Variants in SAMD12 observed in about 807,000 individuals in gnomAD.
The protein encoded by SAMD12 is sterile alpha motif domain-containing protein 12.
In SAMD12, 9 loss-of-function variants were observed where a neutral mutation model predicts 15.0. The observed-to-expected ratio is 0.60, with a 90% CI of 0.36 to 1.05. The LOEUF (loss-of-function observed/expected upper bound fraction) is 1.05. SAMD12 is among the 50% of genes least tolerant of loss of function. The probability of loss-of-function intolerance (pLI) is 0.01; values close to 1 mark genes in which losing one functional copy is unlikely to be tolerated. For missense variants in SAMD12, 230 were observed against 234.2 expected (o/e 0.98, Z 0.12); for synonymous variants, 86 against 90.1 (o/e 0.96, Z 0.25).
the SAMD12 span, among the ~76,000 whole-genome samples, chr8:118,134,493 T>C: frequency 6.6e-6 from 1 of 152,220 alleles, no homozygotes; most frequent in African/African-American, 2.4e-5. Context: ...GTTTTCAATG[T>C]GTCGTTCCTA....
intron 3 of SAMD12, among the ~76,000 whole-genome samples, chr8:118,435,255 C>T (rs764026401): frequency 3.3e-5 from 5 of 152,100 alleles, no homozygotes; most frequent in African/African-American, 7.2e-5. Flanking sequence ...TATGATATTT[C>T]AAGAGACAGA....
chr8:118,482,661 T>C (rs2130993471), intron 2 of SAMD12, among the ~76,000 whole-genome samples: 1 of 152,306 alleles, frequency 6.6e-6, no homozygotes, highest in East Asian at 1.9e-4. Flanking sequence ...TATGAGGAAC[T>C]TGGGCATCCA....
At chr8:118,404,818 G>C (rs7818311) in intron 3 of SAMD12, among the ~76,000 whole-genome samples, 74,289 of 151,766 alleles carry the variant, frequency 0.49, 19,269 homozygotes, top group African/African-American at 0.66. Flanking sequence ...CTTGTAATAC[G>C]CTTTTCATGT....
intron 4 of SAMD12, among the ~76,000 whole-genome samples, chr8:118,370,225 C>A (rs1819012816): frequency 6.6e-6 from 1 of 151,940 alleles, no homozygotes; most frequent in South Asian, 2.1e-4. Context: ...AAATAAAAAC[C>A]ACAGTGAGAT....
At chr8:118,607,237 T>C (rs1308932305) in intron 1 of SAMD12, among the ~76,000 whole-genome samples, 1 of 142,802 alleles carries the variant, frequency 7.0e-6, no homozygotes, top group Non-Finnish European at 1.6e-5. Flanking sequence ...TCCCCAAATG[T>C]CCTTTTTTTT....
chr8:118,223,667 T>G lies in SAMD12; in HGVS notation c.434-25935A>C, dbSNP rs192962059. 4.4e-4 allele frequency among the ~76,000 whole-genome samples: 67 copies of G among 152,258 alleles called. 1 individual carries two copies. The highest frequency in any genetic ancestry group is 1.5e-3 in the African/African-American group (61 of 41,560). On this transcript the variant is annotated intron_variant, in intron 4 of 4. Transcript: ENST00000409003. Reference sequence around the variant, plus strand: ...GGAAAAGTTGAGTTTCTGAGAACAATCAATAGGGCTATATCTTTTGCCCAT... The same window carrying G: ...GGAAAAGTTGAGTTTCTGAGAACAAGCAATAGGGCTATATCTTTTGCCCAT...
At chr8:118,502,513 CAG>C (rs1824813357) in intron 2 of SAMD12, among the ~76,000 whole-genome samples, 1 of 152,112 alleles carries the variant, frequency 6.6e-6, no homozygotes, top group African/African-American at 2.4e-5. Flanking sequence ...ATAGAAATGA[CAG>C]GAAAATCTTT....
intron 2 of SAMD12, among the ~76,000 whole-genome samples, chr8:118,500,116 T>A (rs948641907): frequency 5.1e-5 from 7 of 137,396 alleles, no homozygotes; most frequent in Admixed American, 2.4e-4. Context: ...TTCACTCTTG[T>A]TGCCCAGGCT....
intron 2 of SAMD12, among the ~76,000 whole-genome samples, chr8:118,476,063 T>G (rs1823950723): frequency 6.6e-6 from 1 of 152,216 alleles, no homozygotes; most frequent in Non-Finnish European, 1.5e-5. Flanking sequence ...ACCATGGGTT[T>G]GCAAAGGCTG....
intron 4 of SAMD12, among the ~76,000 whole-genome samples, chr8:118,279,300 A>C (rs1813551710): frequency 6.6e-6 from 1 of 152,212 alleles, no homozygotes; most frequent in Admixed American, 6.5e-5. Context: ...TGCTACTTTA[A>C]AAACTTTCTA....
intron 4 of SAMD12, among the ~76,000 whole-genome samples, chr8:118,290,372 CTG>C (rs1463926090): frequency 6.6e-6 from 1 of 152,184 alleles, no homozygotes; most frequent in Non-Finnish European, 1.5e-5. Context: ...CTAGCCTTGA[CTG>C]TGCCTTAAAC....
rs541469056 is a variant in SAMD12 at position 118,310,712 on chromosome 8, G to C, written c.433+68848C>G. On this transcript the variant is annotated intron_variant, in intron 4 of 4. Transcript: ENST00000409003. Reference sequence around the variant, plus strand: ...CTCACAATGTCAGACGGGTGGTCTTGTTCAGAAGTCATTTCTAGAATGCCA... The same window carrying C: ...CTCACAATGTCAGACGGGTGGTCTTCTTCAGAAGTCATTTCTAGAATGCCA... Among the ~76,000 whole-genome samples, 2 of 152,146 alleles carry C rather than the reference G, an allele frequency of 1.3e-5. 1 individual carries two copies. The highest frequency in any genetic ancestry group is 2.9e-5 in the Non-Finnish European group (2 of 68,024).
chr8:118,185,652 C>T (rs907367861), downstream of SAMD12, among the ~76,000 whole-genome samples: 6 of 152,194 alleles, frequency 3.9e-5, no homozygotes, highest in Admixed American at 1.3e-4. Flanking sequence ...TACAGGAGTC[C>T]ATCTATTCCA....
chr8:118,323,333 T>C (rs916531211), intron 4 of SAMD12, among the ~76,000 whole-genome samples: 1 of 152,032 alleles, frequency 6.6e-6, no homozygotes, highest in African/African-American at 2.4e-5. Flanking sequence ...TGTTGGGAGG[T>C]GACAAGTGCT....
chr8:118,395,947 T>A (rs757692064), intron 3 of SAMD12, among the ~76,000 whole-genome samples: 8 of 144,938 alleles, frequency 5.5e-5, no homozygotes, highest in African/African-American at 1.5e-4. Flanking sequence ...AAAAAAAAAA[T>A]AGACCCAGAA....
rs768536066 is a variant in SAMD12, at chr8:118,580,890, A to T, written c.17T>A (p.Leu6His). 6.2e-7 allele frequency: 1 copy of T among 1,603,264 alleles called. No individual in the cohort carries two copies. The highest frequency in any genetic ancestry group is 1.3e-5 in the African/African-American group (1 of 74,180). Residue 6 changes from leucine to histidine, a missense_variant, in exon 2 of 4, where the codon CTC becomes CAC. By Grantham distance (99) the Leu-to-His change is moderately conservative. Transcript: ENST00000314727. MAVEA[L>H]HCGLNPRGID... Reference sequence around the variant, plus strand: ...ACCCCGTGGATTCAAACCACAGTGGAGAGCTAGGAAAAAGCAACAAATAGA... The same window carrying T: ...ACCCCGTGGATTCAAACCACAGTGGTGAGCTAGGAAAAAGCAACAAATAGA...
chr8:118,232,154 G>C (rs1251843471), intron 4 of SAMD12, among the ~76,000 whole-genome samples: 1 of 152,174 alleles, frequency 6.6e-6, no homozygotes, highest in Non-Finnish European at 1.5e-5. Flanking sequence ...AGGAGGATAA[G>C]ACAGGCCTCC....
intron 3 of SAMD12, among the ~76,000 whole-genome samples, chr8:118,388,380 A>G (rs1820076177): frequency 6.6e-6 from 1 of 152,186 alleles, no homozygotes; most frequent in Admixed American, 6.5e-5. Context: ...TGCCTACACT[A>G]CATCTCTGAT....
chr8:118,406,308 C>T (rs112319116), intron 3 of SAMD12, among the ~76,000 whole-genome samples: 3,549 of 151,962 alleles, frequency 0.023, 140 homozygotes, highest in African/African-American at 0.08. Context: ...CAGTCTTGCT[C>T]TGTCACCCAG....
Sources: allele counts gnomAD v4.1 joint callset (sites outside exome capture counted in the v4.1 genomes callset), GRCh38; gene constraint gnomAD v4.1.1; transcripts MANE v1.5; gene names NCBI Gene and HGNC (gene_info 2026-07-23, HGNC 2026-07-21).